DMAC2: variants seen among roughly 807,000 people sequenced by gnomAD.
DMAC2 encodes the protein distal membrane arm assembly component 2, also known as distal membrane-arm assembly complex protein 2.
A neutral mutation model predicts 29.6 loss-of-function variants in DMAC2; 32 were observed. The observed-to-expected ratio is 1.08, with a 90% CI of 0.81 to 1.45. The LOEUF is 1.45. Ranked by LOEUF, DMAC2 falls within the 40% of genes most tolerant of loss-of-function variation. DMAC2 has a pLI of 0.00. For synonymous variants in DMAC2, 133 were observed against 137.4 expected, an observed-to-expected ratio of 0.97 and a Z score of 0.23; for missense variants, 319 against 340.0, an observed-to-expected ratio of 0.94 and a Z score of 0.49.
chr19:41,432,681 G>A, intron 5 of DMAC2: 1 of 290,010 alleles, frequency 3.4e-6, no homozygotes, highest in Non-Finnish European at 5.9e-6. Context: ...TGTGTGTATA[G>A]GGAGATAAGC....
At chr19:41,432,678 A>ATGTC in intron 5 of DMAC2, 1 of 245,294 alleles carries the variant, frequency 4.1e-6, no homozygotes. Flanking sequence ...GTGTGTGTGT[A>ATGTC]TAGGGAGATA....
chr19:41,438,945 GATT>G, intron 1 of DMAC2: 1 of 115,452 alleles, frequency 8.7e-6, no homozygotes, highest in Non-Finnish European at 1.7e-5. Flanking sequence ...ATATTTTTGT[GATT>G]TTTTTTTTTT....
At chr19:41,432,614 C>G in intron 5 of DMAC2, 1 of 449,248 alleles carries the variant, frequency 2.2e-6, no homozygotes, top group Non-Finnish European at 3.9e-6. Context: ...AGTGTAAGGA[C>G]AGCATGTGTG....
intron 1 of DMAC2, chr19:41,439,004 C>T (rs1461857240): frequency 1.2e-5 from 2 of 161,318 alleles, no homozygotes; most frequent in Non-Finnish European, 2.6e-5. Context: ...ATGTGTGGCC[C>T]AAGACAATTC....
At chr19:41,439,817 G>T in intron 1 of DMAC2, 65 bp downstream of exon 1, 1 of 1,609,530 alleles carries the variant, frequency 6.2e-7, no homozygotes, top group South Asian at 1.1e-5. Flanking sequence ...GCCAACAGAG[G>T]CCCTGAATGC....
chr19:41,432,776 C>G, intron 5 of DMAC2: 7 of 271,876 alleles, frequency 2.6e-5, no homozygotes, highest in South Asian at 8.3e-5. Flanking sequence ...AGGTACAGGA[C>G]AGCGTGCGTG....
At position 41,438,496 on chromosome 19, in the gene DMAC2, A is replaced by C. The variant is rs527485270; in HGVS notation, c.19-82T>G. Reference sequence around the variant, plus strand: ...TGGATCCCCCAGTTCTTGCTCCATGAACCTCAATCCCTCTGCTTCCCAACT... The same window carrying C: ...TGGATCCCCCAGTTCTTGCTCCATGCACCTCAATCCCTCTGCTTCCCAACT... On this transcript the variant is annotated intron_variant, in intron 1 of 5. Transcript: ENST00000221943. 14 of 1,198,584 alleles carry C rather than the reference A, an allele frequency of 1.2e-5. No individual in the cohort carries two copies. In the South Asian group the frequency reaches 2.2e-4, roughly 18 times the overall value. The allele number at this position is 1,198,584 out of a possible 1,614,324, so 74.2% of individuals were successfully genotyped here.
Position 41,432,358 on chromosome 19 carries a change from C to T in DMAC2, c.647G>A (p.Gly216Asp). ...ISDLPAVSNP[G>D]LTQILVEEML... ...CTCCTCCACCAATATCTGAGTGAGG[C>T]CAGGGTTGGACACGGCAGGGAGGTC... Residue 216 changes from glycine to aspartate, a missense_variant, in exon 6 of 6, where the codon GGC becomes GAC. Physicochemically the swap from Gly to Asp is moderately conservative, Grantham distance 94. Coordinates refer to ENST00000221943, the MANE Select transcript of DMAC2 (RefSeq NM_018035.3). 1.2e-6 allele frequency: 2 copies of T among 1,614,108 alleles called. No individual in the cohort carries two copies. The highest frequency in any genetic ancestry group is 2.2e-5 in the South Asian group (2 of 91,084).
intron 1 of DMAC2, chr19:41,439,520 TC>T (rs2040043962): frequency 6.5e-7 from 1 of 1,537,072 alleles, no homozygotes. Flanking sequence ...CCTCGAACAA[TC>T]CCTTCCAAGC....
At chr19:41,432,874 G>A (rs2039642251) in intron 5 of DMAC2, 1 of 527,110 alleles carries the variant, frequency 1.9e-6, no homozygotes, top group Admixed American at 3.6e-5. Context: ...GCGTGCGTGT[G>A]TGTGTGTGCG....
intron 2 of DMAC2, 152 bp from the exon 3 acceptor site, chr19:41,436,624 C>T (rs1555771270): frequency 7.5e-6 from 5 of 664,366 alleles, no homozygotes; most frequent in Admixed American, 2.7e-5. Context: ...CTCCTAAGTG[C>T]TGGGCACTGG....
chr19:41,436,652 A>T (rs1436304799), intron 2 of DMAC2, among the ~76,000 whole-genome samples, 180 bp from the exon 3 acceptor site: 1 of 152,202 alleles, frequency 6.6e-6, no homozygotes, highest in Non-Finnish European at 1.5e-5. Context: ...GTGGTGACCA[A>T]GGCAGATAAC....
chr19:41,431,781 G>A lies in DMAC2; in HGVS notation c.*450C>T. On this transcript the variant is annotated 3_prime_UTR_variant, in exon 6 of 6. Coordinates refer to ENST00000221943, the MANE Select transcript of DMAC2 (RefSeq NM_018035.3). ...GGGGTGCGCTGGCCTTTAGTGAGTGGAGTGGGGCGAAGGATGCTGCATGTC... is the reference window on the plus strand; with the variant it reads ...GGGGTGCGCTGGCCTTTAGTGAGTGAAGTGGGGCGAAGGATGCTGCATGTC... The A allele has an allele frequency of 4.3e-6, 1 of 234,578 alleles. No homozygotes were observed. The highest frequency in any genetic ancestry group is 8.5e-6 in the Non-Finnish European group (1 of 117,496). The allele number at this position is 234,578 out of a possible 1,614,324, so 14.5% of individuals were successfully genotyped here.
intron 3 of DMAC2, among the ~76,000 whole-genome samples, chr19:41,434,245 CA>C (rs1478665972): frequency 6.9e-6 from 1 of 145,798 alleles, no homozygotes; most frequent in East Asian, 2.0e-4. Context: ...AAAAAAAAAA[CA>C]AAAAAACAAA....
At chr19:41,434,650 AGGAAAGAGAAAG>A (rs2039763128) in intron 3 of DMAC2, among the ~76,000 whole-genome samples, 1 of 152,116 alleles carries the variant, frequency 6.6e-6, no homozygotes, top group Non-Finnish European at 1.5e-5. Context: ...AAAAAAGCAA[AGGAAAGAGAAAG>A]GGAAGGAGAA....
At chr19:41,433,064 T>A in intron 5 of DMAC2, 1 of 608,154 alleles carries the variant, frequency 1.6e-6, no homozygotes, top group South Asian at 2.5e-5. Flanking sequence ...CAGTTTTGAC[T>A]AAAACAAAAA....
chr19:41,439,345 TC>T, intron 1 of DMAC2: 1 of 603,844 alleles, frequency 1.7e-6, no homozygotes, highest in Non-Finnish European at 2.8e-6. Context: ...AAAGAATATC[TC>T]AAATTCTCCT....
At position 41,431,935 on chromosome 19, in the gene DMAC2, T is replaced by G; in HGVS notation, c.*296A>C. ...TCACATAAGGACAGTTTGAGAAGAG[T>G]CTCCTGACAAGGTGAGTGTGGCTCT... On this transcript the variant is annotated 3_prime_UTR_variant, in exon 6 of 6. Coordinates refer to ENST00000221943, the MANE Select transcript of DMAC2 (RefSeq NM_018035.3). The G allele has an allele frequency of 2.2e-6, 1 of 454,896 alleles. No individual in the cohort carries two copies. 28.2% of individuals were successfully genotyped at this position (454,896 alleles called of 1,614,324 possible). A position where few individuals can be genotyped will look rare whatever the true frequency, so the allele number is the denominator to read the frequency against.
intron 3 of DMAC2, among the ~76,000 whole-genome samples, chr19:41,434,998 C>T (rs570284755): frequency 2.2e-5 from 3 of 138,234 alleles, no homozygotes; most frequent in Admixed American, 1.5e-4. Context: ...AAGAGCAAGA[C>T]TCTTGTCTCA....
Sources: gnomAD v4.1 joint callset for allele counts (sites outside exome capture counted in the v4.1 genomes callset) on GRCh38, gnomAD v4.1.1 for gene constraint, MANE v1.5 for transcripts, NCBI Gene and HGNC (gene_info 2026-07-23, HGNC 2026-07-21) for gene names.